Variants in TTF1 observed in about 807,000 individuals in gnomAD.
TTF1 encodes the protein transcription termination factor 1.
In TTF1, 64 loss-of-function variants were observed where a neutral mutation model predicts 80.2. The observed-to-expected ratio is 0.80, with a 90% CI of 0.65 to 0.98. The LOEUF (loss-of-function observed/expected upper bound fraction) is 0.98. Among genes scored for constraint, TTF1 ranks in the 50% least tolerant of loss-of-function variants. The pLI is 0.00. For missense variants in TTF1, 1,023 were observed against 1,086.2 expected (o/e 0.94, Z 0.82); for synonymous variants, 372 against 382.7 (o/e 0.97, Z 0.33).
In TTF1 at chr9:132,386,628, G is replaced by A. The variant is rs1564185069; in HGVS notation, c.2313-7C>T. The A allele has an allele frequency of 6.2e-7, 1 of 1,606,138 alleles. No individual in the cohort carries two copies. Among genetic ancestry groups the A allele is most frequent in the Non-Finnish European group, 8.5e-7 (1 of 1,174,254 alleles). ...CACATTTATTTCATACAACCTGTGA[G>A]AAAAAATAAAAATTAAATTTTCAAG... On this transcript the variant is annotated splice_polypyrimidine_tract_variant and splice_region_variant and intron_variant, in intron 8 of 10. Coordinates refer to ENST00000334270, the MANE Select transcript of TTF1 (RefSeq NM_007344.4).
intron 1 of TTF1, among the ~76,000 whole-genome samples, chr9:132,404,981 G>A (rs1171183949): frequency 6.6e-6 from 1 of 151,772 alleles, no homozygotes; most frequent in Non-Finnish European, 1.5e-5. Flanking sequence ...TGCCTCCCGG[G>A]TTCACGCCAT....
intron 3 of TTF1, 96 bp from the exon 4 acceptor site, chr9:132,398,422 G>C: frequency 3.1e-6 from 4 of 1,282,556 alleles, no homozygotes; most frequent in Non-Finnish European, 4.3e-6. Context: ...ACAGTACCTC[G>C]GCCCAACAGT....
intron 10 of TTF1, among the ~76,000 whole-genome samples, chr9:132,378,186 GGT>G (rs1450637110): frequency 7.3e-6 from 1 of 137,050 alleles, no homozygotes; most frequent in Non-Finnish European, 1.6e-5. Flanking sequence ...GAATGCATGT[GGT>G]GTGAGTGCAT....
chr9:132,400,741 A>G (rs558632704), intron 2 of TTF1, among the ~76,000 whole-genome samples: 20 of 152,348 alleles, frequency 1.3e-4, no homozygotes, highest in Admixed American at 1.2e-3. Flanking sequence ...AATTACTTGG[A>G]TATATCTCAG....
At chr9:132,378,220 GTGTGAGTGCATGCATGT>G (rs1849277386) in intron 10 of TTF1, among the ~76,000 whole-genome samples, 1 of 137,448 alleles carries the variant, frequency 7.3e-6, no homozygotes, top group Non-Finnish European at 1.6e-5. Context: ...TGCATGTGGT[GTGTGAGTGCATGCATGT>G]GGTGTGAGTG....
At chr9:132,387,650 G>A (rs571359) in intron 8 of TTF1, among the ~76,000 whole-genome samples, 150,108 of 152,228 alleles carry the variant, frequency 0.99, 74,043 homozygotes, top group East Asian at 1. Context: ...CACGCATCAC[G>A]AAACGGGCCC....
At chr9:132,393,620 G>A (rs985385820) in intron 5 of TTF1, among the ~76,000 whole-genome samples, 14 of 152,264 alleles carry the variant, frequency 9.2e-5, no homozygotes, top group African/African-American at 2.4e-4. Flanking sequence ...ATCTCTGTTC[G>A]GGGCTCTTAG....
Position 132,398,133 on chromosome 9 carries a change from A to G in TTF1, c.1777+8T>C, listed in dbSNP as rs368078824. 9 of 1,569,926 alleles carry G rather than the reference A, an allele frequency of 5.7e-6. No homozygotes were observed. The highest frequency in any genetic ancestry group is 7.7e-6 in the Non-Finnish European group (9 of 1,164,372). Reference sequence around the variant, plus strand: ...GGATGGTCAAAGGGTGATTGTTTCTAAACTTACCAATGTGTAATCTAAACG... The same window carrying G: ...GGATGGTCAAAGGGTGATTGTTTCTGAACTTACCAATGTGTAATCTAAACG... On this transcript the variant is annotated splice_region_variant and intron_variant, in intron 4 of 10. Coordinates refer to ENST00000334270, the MANE Select transcript of TTF1 (RefSeq NM_007344.4).
In TTF1 at chr9:132,390,648, T is replaced by TG. The variant is rs774521742; in HGVS notation, c.2170_2171insC (p.Glu724AlafsTer5). On this transcript the variant is annotated frameshift_variant, in exon 7 of 11. Coordinates refer to ENST00000334270, the MANE Select transcript of TTF1 (RefSeq NM_007344.4). LOFTEE classifies it high-confidence loss of function. The stretch of plus-strand genomic sequence containing the variant: ...TCTGGTTTGCACTTTAGCTTCTACT[T>TG]CTACCCAAGATATGCCCTTGTAGAG... The TG allele has an allele frequency of 1.9e-6, 3 of 1,614,234 alleles. No individual in the cohort carries two copies. Among genetic ancestry groups the TG allele is most frequent in the South Asian group, 1.1e-5 (1 of 91,086 alleles).
At position 132,398,160 on chromosome 9, in the gene TTF1, G is replaced by C; in HGVS notation, c.1758C>G (p.Tyr586Ter). The change falls in exon 4 of 11, where the codon TAC (tyrosine) becomes TAG (stop). Residue 586 changes from tyrosine to a stop codon, truncating the protein, a stop_gained. Transcript: ENST00000334270. LOFTEE classifies it high-confidence loss of function. ...KSVITNLKRR[Y>*]SFRLHIGRNI... ...ACTTACCAATGTGTAATCTAAACGA[G>C]TATCTCCTTTTTAAGTTGGTGATCA... The C allele has an allele frequency of 6.3e-7, 1 of 1,589,210 alleles. No homozygotes were observed.
At chr9:132,396,354 C>G (rs879032922) in intron 5 of TTF1, 79 bp downstream of exon 5, 1 of 1,401,974 alleles carries the variant, frequency 7.1e-7, no homozygotes, top group South Asian at 1.2e-5. Flanking sequence ...TGCTAATCCA[C>G]TGCTGTGAAT....
In TTF1 at chr9:132,404,179, T is replaced by C. The variant is rs147013947; in HGVS notation, c.-7-1351A>G. Among the ~76,000 whole-genome samples the C allele has an allele frequency of 3.1e-3, 476 of 152,302 alleles. 2 individuals are homozygous for C. The highest frequency in any genetic ancestry group is 0.011 in the African/African-American group (462 of 41,570). On this transcript the variant is annotated intron_variant, in intron 1 of 10. Transcript: ENST00000334270. ...TCCTTTTTTACACAGAAGGTTAACATCTATATATTGTGATCTGCATTTGCT... is the reference window on the plus strand; with the variant it reads ...TCCTTTTTTACACAGAAGGTTAACACCTATATATTGTGATCTGCATTTGCT...
chr9:132,377,909 TGTGTGTGTGAGTGCATGTG>T (rs1434341343), intron 10 of TTF1, among the ~76,000 whole-genome samples: 2 of 124,098 alleles, frequency 1.6e-5, no homozygotes, highest in African/African-American at 3.3e-5. Context: ...TGTGAGTGCA[TGTGTGTGTGAGTGCATGTG>T]GTGCGTGTGA....
At chr9:132,389,966 T>C (rs1194408885) in intron 7 of TTF1, among the ~76,000 whole-genome samples, 1 of 152,138 alleles carries the variant, frequency 6.6e-6, no homozygotes, top group East Asian at 1.9e-4. Flanking sequence ...TTCTATCTTT[T>C]TTCTCTCTAT....
At chr9:132,403,719 A>C (rs530901988) in intron 1 of TTF1, among the ~76,000 whole-genome samples, 43 of 152,328 alleles carry the variant, frequency 2.8e-4, no homozygotes, top group Non-Finnish European at 5.1e-4. Flanking sequence ...AAGATGGTTT[A>C]TCTGTCTTGT....
chr9:132,396,396 G>A (rs967825135), intron 5 of TTF1, 37 bp downstream of exon 5: 14 of 1,585,768 alleles, frequency 8.8e-6, no homozygotes, highest in Non-Finnish European at 1.2e-5. Flanking sequence ...AAAGACTAGA[G>A]AAATGTTGTC....
At chr9:132,388,690 C>T (rs1000885906) in intron 7 of TTF1, among the ~76,000 whole-genome samples, 1 of 152,152 alleles carries the variant, frequency 6.6e-6, no homozygotes, top group Admixed American at 6.5e-5. Context: ...CTCTTATTAC[C>T]ATTACCAGCC....
At chr9:132,400,484 G>A (rs13288606) in intron 2 of TTF1, among the ~76,000 whole-genome samples, 7,283 of 152,162 alleles carry the variant, frequency 0.048, 224 homozygotes, top group Middle Eastern at 0.075. Context: ...CACCACGCCC[G>A]GCTAACTTTT....
In TTF1 at chr9:132,402,734, G is replaced by A. The variant is rs1384198796; in HGVS notation, c.88C>T (p.Gln30Ter). The A allele has an allele frequency of 3.1e-6, 5 of 1,614,026 alleles. No homozygotes were observed. The highest frequency in any genetic ancestry group is 4.2e-6 in the Non-Finnish European group (5 of 1,180,026). Residue 30 changes from glutamine (Q) to a stop codon, truncating the protein, a stop_gained, in exon 2 of 11, where the codon CAG becomes TAG. Coordinates refer to ENST00000334270, the MANE Select transcript of TTF1 (RefSeq NM_007344.4). LOFTEE classifies it high-confidence loss of function. ...CTGAAAATTTCGTGGGAATGTTTCT[G>A]AGGTCTTTCCTTATGTATAGAACAC... ...KKCSIHKERPQKHSHEIFRDS... is the reference protein window; with the variant it reads ...KKCSIHKERP
Sources: gnomAD v4.1 joint callset for allele counts (sites outside exome capture counted in the v4.1 genomes callset) on GRCh38, gnomAD v4.1.1 for gene constraint, MANE v1.5 for transcripts, NCBI Gene and HGNC (gene_info 2026-07-23, HGNC 2026-07-21) for gene names.